The following CPNE4 variants were observed in gnomAD, a reference collection of about 807,000 sequenced individuals.
The protein encoded by CPNE4 is copine 4, also known as copine-4.
Under a neutral mutation model 67.9 loss-of-function variants are expected in CPNE4, and 25 were observed. That is an observed-to-expected ratio of 0.37 (90% CI 0.27 to 0.51). The LOEUF is 0.51. CPNE4 is among the 20% of genes least tolerant of loss of function. The probability of loss-of-function intolerance (pLI) is 0.93; values close to 1 mark genes in which losing one functional copy is unlikely to be tolerated. For missense variants in CPNE4, 464 were observed against 690.8 expected (o/e 0.67, Z 3.68); for synonymous variants, 242 against 244.9 (o/e 0.99, Z 0.11).
intron 10 of CPNE4, among the ~76,000 whole-genome samples, chr3:131,571,145 T>C (rs1937317712): frequency 6.6e-6 from 1 of 152,070 alleles, no homozygotes; most frequent in African/African-American, 2.4e-5. Flanking sequence ...GACTTCTCTT[T>C]AGCATGCAAG....
chr3:131,769,517 GA>G (rs1176313517), intron 2 of CPNE4, among the ~76,000 whole-genome samples: 2 of 152,066 alleles, frequency 1.3e-5, no homozygotes, highest in Non-Finnish European at 2.9e-5. Flanking sequence ...GTTATGTCCA[GA>G]AAAAAATGAT....
intron 1 of CPNE4, among the ~76,000 whole-genome samples, chr3:131,928,837 G>A (rs565054172): frequency 1.7e-4 from 26 of 152,246 alleles, no homozygotes; most frequent in Admixed American, 3.9e-4. Context: ...CACCTTTGTC[G>A]GGACATGAAA....
intron 1 of CPNE4, among the ~76,000 whole-genome samples, chr3:131,976,609 G>T (rs1289754099): frequency 6.6e-6 from 1 of 151,974 alleles, no homozygotes; most frequent in East Asian, 1.9e-4. Context: ...GAAGCTCAGG[G>T]GGAGAAATCA....
intron 2 of CPNE4, among the ~76,000 whole-genome samples, chr3:131,759,337 T>C (rs1350966173): frequency 6.6e-6 from 1 of 152,184 alleles, no homozygotes; most frequent in African/African-American, 2.4e-5. Flanking sequence ...AGAATCCTCA[T>C]CAGCCTACTT....
rs953578115 is a variant in CPNE4 at position 131,751,183 on chromosome 3, T to A, written c.181-27558A>T. 2.0e-5 allele frequency among the ~76,000 whole-genome samples: 3 copies of A among 152,242 alleles called. No individual in the cohort carries two copies. In the East Asian group the frequency reaches 5.8e-4, roughly 29 times the overall value. On this transcript the variant is annotated intron_variant, in intron 2 of 15. Transcript: ENST00000429747. ...CACTCATCTTGTTGAAGCTGTAGGTTTACATCTTGTCAAATTTTGTAAGTT... is the reference window on the plus strand; with the variant it reads ...CACTCATCTTGTTGAAGCTGTAGGTATACATCTTGTCAAATTTTGTAAGTT...
intron 5 of CPNE4, among the ~76,000 whole-genome samples, chr3:131,686,530 G>C (rs944018320): frequency 6.6e-6 from 1 of 152,196 alleles, no homozygotes; most frequent in Non-Finnish European, 1.5e-5. Flanking sequence ...AAGGGGAGAA[G>C]TCTCCTGAAT....
chr3:131,614,611 CT>C (rs1940036177), intron 7 of CPNE4, among the ~76,000 whole-genome samples: 2 of 151,996 alleles, frequency 1.3e-5, no homozygotes, highest in Admixed American at 6.6e-5. Flanking sequence ...GAAATTTGGA[CT>C]TGGGGTTGAC....
chr3:131,674,718 T>C (rs1481334063), intron 6 of CPNE4, among the ~76,000 whole-genome samples: 1 of 151,934 alleles, frequency 6.6e-6, no homozygotes, highest in Non-Finnish European at 1.5e-5. Context: ...TTTCTTAATC[T>C]GGCTAAAGTT....
chr3:131,813,380 AATAT>A (rs937809943), intron 2 of CPNE4, among the ~76,000 whole-genome samples: 15 of 150,574 alleles, frequency 1.0e-4, no homozygotes, highest in African/African-American at 3.6e-4. Context: ...ACGTTTTTTA[AATAT>A]ATATATAGTA....
intron 5 of CPNE4, among the ~76,000 whole-genome samples, chr3:131,690,006 G>A (rs1043464347): frequency 2.0e-5 from 3 of 152,042 alleles, no homozygotes; most frequent in South Asian, 2.1e-4. Flanking sequence ...TCTCTACAAG[G>A]AAAACTACAA....
intron 1 of CPNE4, among the ~76,000 whole-genome samples, chr3:131,937,426 G>C (rs1438284663): frequency 6.6e-6 from 1 of 152,088 alleles, no homozygotes; most frequent in African/African-American, 2.4e-5. Context: ...CAGCCAAACT[G>C]TCCTTTAGTT....
At chr3:132,026,040 AAT>A (rs1347435942) in intron 1 of CPNE4, among the ~76,000 whole-genome samples, 11 of 152,252 alleles carry the variant, frequency 7.2e-5, no homozygotes, top group African/African-American at 2.4e-4. Flanking sequence ...GTGCAGTAGT[AAT>A]ATGTCATACA....
chr3:131,798,115 C>T (rs376031358), intron 2 of CPNE4, among the ~76,000 whole-genome samples: 1 of 152,120 alleles, frequency 6.6e-6, no homozygotes, highest in Non-Finnish European at 1.5e-5. Flanking sequence ...CATTTATAAC[C>T]TCCTCAGAGG....
At chr3:131,920,802 A>G (rs2070721939) in intron 1 of CPNE4, among the ~76,000 whole-genome samples, 1 of 152,118 alleles carries the variant, frequency 6.6e-6, no homozygotes, top group Non-Finnish European at 1.5e-5. Flanking sequence ...CAAATCTCAG[A>G]ACCAAATGTT....
intron 5 of CPNE4, among the ~76,000 whole-genome samples, chr3:131,690,479 C>CT (rs2081009727): frequency 1.3e-5 from 2 of 152,214 alleles, no homozygotes; most frequent in South Asian, 4.1e-4. Context: ...GGATAACTGG[C>CT]TAGCAATATG....
At chr3:131,793,488 CA>C (rs2083835928) in intron 2 of CPNE4, among the ~76,000 whole-genome samples, 1 of 152,248 alleles carries the variant, frequency 6.6e-6, no homozygotes, top group South Asian at 2.1e-4. Context: ...CAACAACAAC[CA>C]AAAATCCCAA....
intron 14 of CPNE4, among the ~76,000 whole-genome samples, chr3:131,549,731 G>A (rs1402632105): frequency 6.6e-6 from 1 of 152,130 alleles, no homozygotes; most frequent in Non-Finnish European, 1.5e-5. Context: ...CATTTGACAT[G>A]TGTCATCTCT....
intron 1 of CPNE4, among the ~76,000 whole-genome samples, chr3:131,981,425 G>T (rs186080825): frequency 2.5e-3 from 386 of 152,132 alleles, no homozygotes; most frequent in Non-Finnish European, 3.4e-3. Context: ...GTATGTAGGC[G>T]GATTATGGCC....
At chr3:131,554,764 C>T (rs914190079) in intron 12 of CPNE4, among the ~76,000 whole-genome samples, 3 of 151,998 alleles carry the variant, frequency 2.0e-5, no homozygotes, top group African/African-American at 7.2e-5. Context: ...GTACTTAGCT[C>T]AGACCTCAGA....
Sources: gnomAD v4.1 joint callset for allele counts (sites outside exome capture counted in the v4.1 genomes callset) on GRCh38, gnomAD v4.1.1 for gene constraint, MANE v1.5 for transcripts, NCBI Gene and HGNC (gene_info 2026-07-23, HGNC 2026-07-21) for gene names.